NTM: variants seen among roughly 807,000 people sequenced by gnomAD.
NTM encodes IgLON family member 2.
In NTM, 13 loss-of-function variants were observed where a neutral mutation model predicts 42.1. That is an observed-to-expected ratio of 0.31 (90% CI 0.20 to 0.49). The LOEUF (loss-of-function observed/expected upper bound fraction) is 0.49. Among genes scored for constraint, NTM ranks in the 20% least tolerant of loss-of-function variants. NTM has a pLI of 0.99. For synonymous variants in NTM, 187 were observed against 179.2 expected (o/e 1.04, Z -0.35); for missense variants, 373 against 452.8 (o/e 0.82, Z 1.60).
intron 1 of NTM, among the ~76,000 whole-genome samples, chr11:131,875,923 G>A (rs2048473071): frequency 6.6e-6 from 1 of 152,184 alleles, no homozygotes; most frequent in Admixed American, 6.5e-5. Context: ...GGTGAGTGGT[G>A]GCAGAGGCAG....
chr11:131,818,387 C>A (rs1288553206), intron 1 of NTM, among the ~76,000 whole-genome samples: 1 of 152,104 alleles, frequency 6.6e-6, no homozygotes, highest in South Asian at 2.1e-4. Context: ...TCAACAGGTG[C>A]AAACTTATTC....
intron 1 of NTM, among the ~76,000 whole-genome samples, chr11:131,599,897 A>G (rs897867662): frequency 6.6e-6 from 1 of 152,240 alleles, no homozygotes; most frequent in Non-Finnish European, 1.5e-5. Flanking sequence ...CTCCCTGGGC[A>G]GAGTTAGACC....
intron 1 of NTM, among the ~76,000 whole-genome samples, chr11:131,454,439 T>C (rs1950718688): frequency 6.6e-6 from 1 of 152,156 alleles, no homozygotes; most frequent in Non-Finnish European, 1.5e-5. Context: ...TCCTTGTCTC[T>C]GAAAGGCCAC....
intron 1 of NTM, among the ~76,000 whole-genome samples, chr11:131,750,966 G>A (rs972792737): frequency 1.3e-5 from 2 of 152,132 alleles, no homozygotes; most frequent in East Asian, 1.9e-4. Context: ...GACAGCATTA[G>A]CCCACCTCCA....
At chr11:132,006,648 G>T (rs917861540) in intron 2 of NTM, among the ~76,000 whole-genome samples, 1 of 152,256 alleles carries the variant, frequency 6.6e-6, no homozygotes, top group East Asian at 1.9e-4. Flanking sequence ...GAGCTCTGCA[G>T]TCATTTCCTT....
intron 2 of NTM, among the ~76,000 whole-genome samples, chr11:132,038,952 T>A (rs1418462143): frequency 6.6e-6 from 1 of 152,218 alleles, no homozygotes; most frequent in East Asian, 1.9e-4. Flanking sequence ...TCTTGTGTTG[T>A]AAACCTTACT....
chr11:132,273,692 A>C (rs774725224), intron 4 of NTM, among the ~76,000 whole-genome samples: 2 of 152,098 alleles, frequency 1.3e-5, no homozygotes. Flanking sequence ...ATATCACATG[A>C]GGTCAGGAGT....
chr11:131,535,137 A>G (rs930373959), intron 1 of NTM: 2 of 152,146 alleles, frequency 1.3e-5, no homozygotes, highest in African/African-American at 2.4e-5. Context: ...GACAGGTGTT[A>G]GCTCTCTGGG....
At chr11:131,733,463 TTTCCTTCCTTCCTTCCTTCCTTCC>T (rs555056062) in intron 1 of NTM, among the ~76,000 whole-genome samples, 34 of 112,666 alleles carry the variant, frequency 3.0e-4, no homozygotes, top group South Asian at 1.3e-3. Flanking sequence ...TCCTTCCTTC[TTTCCTTCCTTCCTTCCTTCCTTCC>T]TTCCTTCCTT....
intron 4 of NTM, among the ~76,000 whole-genome samples, chr11:132,295,444 A>G (rs1254615676): frequency 1.3e-5 from 2 of 152,208 alleles, no homozygotes; most frequent in Non-Finnish European, 2.9e-5. Flanking sequence ...ATTAGAGTCC[A>G]GTGGGGTAAA....
At chr11:131,501,327 A>G (rs1207023916) in intron 1 of NTM, among the ~76,000 whole-genome samples, 2 of 152,142 alleles carry the variant, frequency 1.3e-5, no homozygotes, top group Admixed American at 6.5e-5. Flanking sequence ...AGGGTGGCCA[A>G]TGAAGGCCCC....
chr11:132,070,341 C>T (rs1335825403), intron 2 of NTM, among the ~76,000 whole-genome samples: 2 of 145,050 alleles, frequency 1.4e-5, no homozygotes, highest in African/African-American at 2.5e-5. Flanking sequence ...ACACGTCACA[C>T]AGCCAAAACA....
chr11:131,758,260 C>G (rs946382944), intron 1 of NTM, among the ~76,000 whole-genome samples: 2 of 151,900 alleles, frequency 1.3e-5, no homozygotes, highest in Non-Finnish European at 2.9e-5. Flanking sequence ...CTGTCTTCCC[C>G]CTCCCCCCCG....
intron 1 of NTM, among the ~76,000 whole-genome samples, chr11:131,811,627 T>A (rs2092732819): frequency 6.6e-6 from 1 of 151,954 alleles, no homozygotes; most frequent in Non-Finnish European, 1.5e-5. Context: ...AAATATGTCA[T>A]GATGTATATT....
At chr11:132,071,889 A>T (rs2057726456) in intron 2 of NTM, among the ~76,000 whole-genome samples, 2 of 152,176 alleles carry the variant, frequency 1.3e-5, no homozygotes, top group African/African-American at 2.4e-5. Context: ...GGAGTCCTTG[A>T]CGGTGGATCT....
At chr11:131,725,624 G>A (rs1041893068) in intron 1 of NTM, among the ~76,000 whole-genome samples, 1 of 152,170 alleles carries the variant, frequency 6.6e-6, no homozygotes, top group Admixed American at 6.5e-5. Flanking sequence ...AGTAGCTGGA[G>A]GGGAGTAAGA....
chr11:131,644,964 C>A (rs531020438), intron 1 of NTM, among the ~76,000 whole-genome samples: 1 of 152,098 alleles, frequency 6.6e-6, no homozygotes, highest in Non-Finnish European at 1.5e-5. Flanking sequence ...CGACAACAGG[C>A]AGGCTCACAG....
chr11:131,892,942 C>T (rs1391903783), intron 1 of NTM, among the ~76,000 whole-genome samples: 1 of 152,250 alleles, frequency 6.6e-6, no homozygotes, highest in African/African-American at 2.4e-5. Context: ...CATACCCTTT[C>T]TCTCCCTTAC....
At chr11:132,245,882 C>T (rs760978661) in intron 4 of NTM, among the ~76,000 whole-genome samples, 3 of 152,144 alleles carry the variant, frequency 2.0e-5, no homozygotes, top group Non-Finnish European at 4.4e-5. Context: ...TGCAGAGAGA[C>T]TCGGGGAGCC....
Sources: gnomAD v4.1 joint callset for allele counts (sites outside exome capture counted in the v4.1 genomes callset) on GRCh38, gnomAD v4.1.1 for gene constraint, MANE v1.5 for transcripts, NCBI Gene and HGNC (gene_info 2026-07-23, HGNC 2026-07-21) for gene names.